KMO: variants seen among roughly 807,000 people sequenced by gnomAD.
KMO encodes kynurenine 3-hydroxylase.
Under a neutral mutation model 57.8 loss-of-function variants are expected in KMO, and 24 were observed. The ratio of observed to expected loss-of-function variants is 0.42; its 90% confidence interval spans 0.30 to 0.58. The LOEUF is 0.58. Ranked by LOEUF, KMO falls within the 20% of genes least tolerant of loss-of-function variation. The pLI, the probability that KMO is intolerant of heterozygous loss-of-function variation, is 0.22. For synonymous variants in KMO, 210 were observed against 193.6 expected, an observed-to-expected ratio of 1.08 and a Z score of -0.70; for missense variants, 483 against 588.2, an observed-to-expected ratio of 0.82 and a Z score of 1.85.
chr1:241,567,121 G>A (rs1458411191), intron 9 of KMO, among the ~76,000 whole-genome samples: 3 of 152,184 alleles, frequency 2.0e-5, no homozygotes, highest in Admixed American at 1.3e-4. Context: ...AAGGCTTAGC[G>A]CATATTAAGT....
At chr1:241,564,747 G>A (rs556260628) in intron 7 of KMO, among the ~76,000 whole-genome samples, 4 of 151,744 alleles carry the variant, frequency 2.6e-5, no homozygotes, top group Admixed American at 6.6e-5. Context: ...ACACACACAC[G>A]CACGTATTCT....
At chr1:241,541,440 T>G (rs1349299335) in intron 1 of KMO, among the ~76,000 whole-genome samples, 1 of 152,172 alleles carries the variant, frequency 6.6e-6, no homozygotes, top group Non-Finnish European at 1.5e-5. Flanking sequence ...GGAATGGGAA[T>G]AAGTCAACTT....
intron 4 of KMO, among the ~76,000 whole-genome samples, chr1:241,555,334 G>A (rs1422237835): frequency 6.6e-6 from 1 of 152,126 alleles, no homozygotes; most frequent in Non-Finnish European, 1.5e-5. Flanking sequence ...GAACTCTCTT[G>A]ATGAAAATTA....
At chr1:241,537,056 C>A (rs1366944586) in intron 1 of KMO, among the ~76,000 whole-genome samples, 2 of 152,150 alleles carry the variant, frequency 1.3e-5, no homozygotes, top group African/African-American at 4.8e-5. Context: ...CACTCAGCTT[C>A]ATGGGATGGA....
chr1:241,553,971 G>A (rs1263895687), intron 4 of KMO, among the ~76,000 whole-genome samples: 1 of 152,042 alleles, frequency 6.6e-6, no homozygotes, highest in African/African-American at 2.4e-5. Flanking sequence ...TAGTGTATAT[G>A]TGTTAAAAAT....
intron 6 of KMO, among the ~76,000 whole-genome samples, 157 bp downstream of exon 6, chr1:241,560,909 A>C (rs1661811842): frequency 6.6e-6 from 1 of 152,244 alleles, no homozygotes; most frequent in African/African-American, 2.4e-5. Context: ...GATTGCAAAT[A>C]GGCCCTGATG....
At chr1:241,555,493 A>C in intron 4 of KMO, 119 bp from the exon 5 acceptor site, 1 of 557,482 alleles carries the variant, frequency 1.8e-6, no homozygotes. Flanking sequence ...AATGGTTATA[A>C]AACTAAGCTT....
rs765726391 is a variant in KMO at position 241,550,992 on chromosome 1, T to G, written c.260T>G (p.Ile87Ser). The change falls in exon 4 of 15, where the codon ATC (isoleucine) becomes AGC (serine). Residue 87 changes from isoleucine (I) to serine (S), a missense_variant. Ile to Ser is a moderately radical substitution (Grantham distance 142, BLOSUM62 -2). Transcript: ENST00000366559. ...SQGIPMRARMIHSLSGKKSAI... is the reference protein window; with the variant it reads ...SQGIPMRARMSHSLSGKKSAI... ...GGTATTCCCATGAGAGCAAGAATGA[T>G]CCACTCTCTTTCAGGAAAAAAGTCT... 1.3e-5 allele frequency: 21 copies of G among 1,562,606 alleles called. No homozygotes were observed. Among genetic ancestry groups the G allele is most frequent in the Non-Finnish European group, 1.8e-5 (21 of 1,158,806 alleles).
intron 1 of KMO, 128 bp downstream of exon 1, chr1:241,532,626 G>A: frequency 1.6e-6 from 1 of 644,386 alleles, no homozygotes; most frequent in Non-Finnish European, 2.7e-6. Flanking sequence ...TTTAAATACA[G>A]CTATTTTGTT....
chr1:241,581,664 C>T (rs1369090365), intron 10 of KMO, among the ~76,000 whole-genome samples: 1 of 152,042 alleles, frequency 6.6e-6, no homozygotes, highest in Non-Finnish European at 1.5e-5. Context: ...AACAACTCTA[C>T]ACTTTAACTC....
intron 1 of KMO, among the ~76,000 whole-genome samples, chr1:241,544,441 C>A (rs749416169): frequency 3.9e-5 from 6 of 152,134 alleles, no homozygotes; most frequent in Non-Finnish European, 4.4e-5. Context: ...AAGGACTACG[C>A]TTGGAAATGG....
intron 10 of KMO, among the ~76,000 whole-genome samples, chr1:241,573,652 A>G (rs1198072309): frequency 6.6e-6 from 1 of 152,046 alleles, no homozygotes; most frequent in Admixed American, 6.6e-5. Flanking sequence ...TTGTATATCA[A>G]TACCATCCTA....
chr1:241,589,882 G>T, intron 12 of KMO, 130 bp from the exon 13 acceptor site: 1 of 751,960 alleles, frequency 1.3e-6, no homozygotes, highest in Non-Finnish European at 2.2e-6. Flanking sequence ...ATGACATTAT[G>T]GAAACAAAAA....
Position 241,532,378 on chromosome 1 carries a change from G to A in KMO, c.-67G>A. The stretch of plus-strand genomic sequence containing the variant: ...AAAACTCAGAGAAATCAGTGTGTAG[G>A]AGACACAGAAATCAGTGTCACTCAG... On this transcript the variant is annotated 5_prime_UTR_variant, in exon 1 of 15. Coordinates refer to ENST00000366559, the MANE Select transcript of KMO (RefSeq NM_003679.5). 1 of 1,610,340 alleles carries A rather than the reference G, an allele frequency of 6.2e-7. No homozygotes were observed.
intron 4 of KMO, among the ~76,000 whole-genome samples, chr1:241,553,853 A>G (rs987159491): frequency 2.0e-4 from 30 of 152,252 alleles, no homozygotes; most frequent in Non-Finnish European, 3.8e-4. Context: ...TACAAAGACC[A>G]GAATTTCCTC....
intron 1 of KMO, chr1:241,536,634 C>A: frequency 3.8e-6 from 1 of 265,202 alleles, no homozygotes; most frequent in Non-Finnish European, 5.9e-6. Context: ...ACTATTCTAG[C>A]ATGTATTTTG....
intron 10 of KMO, among the ~76,000 whole-genome samples, chr1:241,576,766 G>C (rs1161522107): frequency 2.0e-5 from 3 of 152,052 alleles, no homozygotes; most frequent in Non-Finnish European, 4.4e-5. Flanking sequence ...GGACTTCTTT[G>C]AGCTTCTTGT....
At position 241,594,716 on chromosome 1, in the gene KMO, A is replaced by G; in HGVS notation, c.*2563A>G. ...ACTGGGCAGAGAAAAAATAAAGTGGAATATTAAGTAAAAGTTGGGCACTAA... is the reference window on the plus strand; with the variant it reads ...ACTGGGCAGAGAAAAAATAAAGTGGGATATTAAGTAAAAGTTGGGCACTAA... On this transcript the variant is annotated 3_prime_UTR_variant, in exon 15 of 15. Coordinates refer to ENST00000366559, the MANE Select transcript of KMO (RefSeq NM_003679.5). The G allele has an allele frequency of 6.2e-7, 1 of 1,601,662 alleles. No homozygotes were observed. Among genetic ancestry groups the G allele is most frequent in the Non-Finnish European group, 8.5e-7 (1 of 1,174,284 alleles).
In KMO at chr1:241,588,963, C is replaced by CAT. The variant is rs138644331; in HGVS notation, c.1098+134_1098+135insTA. ...GAATACCTACAGATAAGAAAACACA[C>CAT]ACACACATAGCATTCCTTAGACTTG... On this transcript the variant is annotated intron_variant, in intron 12 of 14. Transcript: ENST00000366559. The CAT allele has an allele frequency of 8.8e-3, 5,601 of 634,050 alleles. 80 individuals are homozygous for CAT. Among genetic ancestry groups the CAT allele is most frequent in the East Asian group, 0.053 (1,879 of 35,428 alleles). 39.3% of individuals were successfully genotyped at this position (634,050 alleles called of 1,614,324 possible).
Sources: gnomAD v4.1 joint callset for allele counts (sites outside exome capture counted in the v4.1 genomes callset) on GRCh38, gnomAD v4.1.1 for gene constraint, MANE v1.5 for transcripts, NCBI Gene and HGNC (gene_info 2026-07-23, HGNC 2026-07-21) for gene names.